FCRL2: variants seen among roughly 807,000 people sequenced by gnomAD.
FCRL2 encodes Fc receptor like 2, also known as Fc receptor-like protein 2.
FCRL2 carries 48 observed loss-of-function variants against 59.8 expected under a neutral mutation model. The ratio of observed to expected loss-of-function variants is 0.80; its 90% CI spans 0.64 to 1.02. FCRL2 has a LOEUF of 1.02. Ranked by LOEUF, FCRL2 falls within the 50% of genes least tolerant of loss-of-function variation. The pLI, the probability that FCRL2 is intolerant of heterozygous loss-of-function variation, is 0.00. For missense variants in FCRL2, 658 were observed against 597.3 expected (o/e 1.10, Z -1.06); for synonymous variants, 251 against 229.5 (o/e 1.09, Z -0.85).
intron 7 of FCRL2, among the ~76,000 whole-genome samples, chr1:157,750,558 GAA>G (rs1280269010): frequency 6.6e-6 from 1 of 152,142 alleles, no homozygotes; most frequent in Non-Finnish European, 1.5e-5. Flanking sequence ...GCCTATCATG[GAA>G]AATACTGCTA....
rs1363839272 is a variant in FCRL2, at chr1:157,747,430, C to CT, written c.1460-532dup. Among the ~76,000 whole-genome samples the CT allele has an allele frequency of 2.0e-5, 3 of 152,264 alleles. No individual in the cohort carries two copies. In the East Asian group the frequency reaches 5.8e-4, roughly 29 times the overall value. On this transcript the variant is annotated intron_variant, in intron 10 of 11. Transcript: ENST00000361516. ...CTTTCCTTCCCTTGAAGATTTACAG[C>CT]TAGAGGGCTTGGAAAGTGACTGCAC...
chr1:157,751,716 G>A lies in FCRL2; in HGVS notation c.1280-2039C>T, dbSNP rs550753600. Among the ~76,000 whole-genome samples the A allele has an allele frequency of 6.6e-5, 10 of 152,300 alleles. No homozygotes were observed. In the South Asian group the frequency reaches 1.7e-3, roughly 25 times the overall value. On this transcript the variant is annotated intron_variant, in intron 7 of 11. Transcript: ENST00000361516. ...AAGAGGTATAGGGTTCCAAAATAAG[G>A]GTGGAGGGGAAGAGGAAGAAGACTT... is the stretch of plus-strand genomic sequence containing the variant.
intron 2 of FCRL2, 30 bp from the exon 3 acceptor site, chr1:157,770,696 C>T: frequency 6.2e-7 from 1 of 1,612,036 alleles, no homozygotes; most frequent in Middle Eastern, 1.7e-4. Flanking sequence ...ACCGGATTTG[C>T]CATTTCTGCA....
intron 5 of FCRL2, 76 bp from the exon 6 acceptor site, chr1:157,767,585 C>T: frequency 6.2e-7 from 1 of 1,614,212 alleles, no homozygotes; most frequent in Non-Finnish European, 8.5e-7. Context: ...CCTGCAGGCT[C>T]AGCAAAGGGC....
intron 2 of FCRL2, among the ~76,000 whole-genome samples, chr1:157,770,927 C>G (rs1438604035): frequency 6.6e-6 from 1 of 152,168 alleles, no homozygotes; most frequent in Non-Finnish European, 1.5e-5. Flanking sequence ...CGTTGAAAGT[C>G]TGAGGTCAGG....
At position 157,770,104 on chromosome 1, in the gene FCRL2, G is replaced by A; in HGVS notation, c.357C>T (p.Ile119=). The change falls in exon 4 of 12, where the codon ATC becomes ATT. Residue 119 remains isoleucine (I), a synonymous_variant. Transcript: ENST00000361516. The stretch of plus-strand genomic sequence containing the variant: ...ATTTCAGGCTCACTGGACCCCCTTC[G>A]ATGGGCTGGAAGGAGCTGGCAGTCA... ...PVLTASSFQP[I]EGGPVSLKCE... 1.2e-6 allele frequency: 2 copies of A among 1,614,158 alleles called. No individual in the cohort carries two copies. The highest frequency in any genetic ancestry group is 1.7e-6 in the Non-Finnish European group (2 of 1,180,034).
At position 157,768,412 on chromosome 1, in the gene FCRL2, A is replaced by C. The variant is rs964325570; in HGVS notation, c.883+2T>G. 5 of 1,611,718 alleles carry C rather than the reference A, an allele frequency of 3.1e-6. 1 individual carries two copies. The Middle Eastern group carries it at 5.0e-4, about 160-fold the overall frequency. On this transcript the variant is annotated splice_donor_variant, in intron 5 of 11. Coordinates refer to ENST00000361516, the MANE Select transcript of FCRL2 (RefSeq NM_030764.4). LOFTEE classifies it high-confidence loss of function. ...GAAGATATGAATGAGAGTGTCACTC[A>C]CTTCTCACAGGGATATTCACCACCT...
chr1:157,776,141 C>T (rs1461897388), intron 1 of FCRL2, among the ~76,000 whole-genome samples: 5 of 152,184 alleles, frequency 3.3e-5, no homozygotes, highest in South Asian at 2.1e-4. Context: ...CATGACAACA[C>T]GATCACAAAG....
chr1:157,754,519 T>A (rs945784681), intron 7 of FCRL2, among the ~76,000 whole-genome samples: 2 of 152,162 alleles, frequency 1.3e-5, no homozygotes, highest in African/African-American at 2.4e-5. Context: ...TTTACTTTCT[T>A]AATAAACTTG....
chr1:157,752,357 G>A (rs1366779153), intron 7 of FCRL2, among the ~76,000 whole-genome samples: 4 of 152,170 alleles, frequency 2.6e-5, no homozygotes, highest in Non-Finnish European at 4.4e-5. Context: ...TTTGCCTGCC[G>A]CCATCCACAT....
intron 7 of FCRL2, among the ~76,000 whole-genome samples, chr1:157,754,993 A>G (rs555619951): frequency 7.2e-5 from 11 of 152,196 alleles, no homozygotes; most frequent in African/African-American, 2.6e-4. Flanking sequence ...AAAGAAAAAA[A>G]GGAGAACTTT....
At chr1:157,756,009 A>T (rs1648563041) in intron 7 of FCRL2, among the ~76,000 whole-genome samples, 2 of 152,238 alleles carry the variant, frequency 1.3e-5, no homozygotes, top group African/African-American at 4.8e-5. Flanking sequence ...TATTTATTTT[A>T]AAGAAAAAAT....
intron 7 of FCRL2, among the ~76,000 whole-genome samples, chr1:157,760,699 G>T (rs867939100): frequency 7.4e-4 from 27 of 36,464 alleles, no homozygotes; most frequent in African/African-American, 2.3e-3. Context: ...AAGAAAGAAG[G>T]AAAGAAAGAA....
chr1:157,769,828 A>G (rs1380503924), intron 4 of FCRL2, 38 bp downstream of exon 4: 7 of 1,599,076 alleles, frequency 4.4e-6, no homozygotes, highest in Middle Eastern at 1.7e-4. Flanking sequence ...TAACACTCCT[A>G]TCTTTTTTTC....
At chr1:157,750,935 C>A (rs59899324) in intron 7 of FCRL2, among the ~76,000 whole-genome samples, 10 of 152,138 alleles carry the variant, frequency 6.6e-5, no homozygotes, top group African/African-American at 2.4e-4. Flanking sequence ...TTCCAAAAAT[C>A]GACATGGTAC....
rs1648022493 is a variant in FCRL2, at chr1:157,749,547, T to C, written c.1307+103A>G. On this transcript the variant is annotated intron_variant, in intron 8 of 11. Coordinates refer to ENST00000361516, the MANE Select transcript of FCRL2 (RefSeq NM_030764.4). ...GTATTATAGAAAGATACCATGTTAATTACATAGCTTCAGTCTCAACGTACA... is the reference window on the plus strand; with the variant it reads ...GTATTATAGAAAGATACCATGTTAACTACATAGCTTCAGTCTCAACGTACA... 3.9e-6 allele frequency: 3 copies of C among 775,310 alleles called. No individual in the cohort carries two copies. The South Asian group carries it at 5.6e-5, about 15-fold the overall frequency. The allele number at this position is 775,310 out of a possible 1,614,324, so 48.0% of individuals were successfully genotyped here.
At chr1:157,763,459 A>G (rs937035474) in intron 7 of FCRL2, among the ~76,000 whole-genome samples, 2 of 152,084 alleles carry the variant, frequency 1.3e-5, no homozygotes, top group African/African-American at 4.8e-5. Context: ...CGAGAGGTGG[A>G]ATTTGCAGGG....
At chr1:157,748,516 A>C in intron 10 of FCRL2, 37 bp downstream of exon 10, 1 of 1,467,290 alleles carries the variant, frequency 6.8e-7, no homozygotes, top group Non-Finnish European at 9.5e-7. Flanking sequence ...TTTCCTGTGA[A>C]TATGCATCTG....
intron 2 of FCRL2, among the ~76,000 whole-genome samples, chr1:157,771,970 G>A (rs1050200061): frequency 1.3e-5 from 2 of 151,588 alleles, no homozygotes; most frequent in South Asian, 2.1e-4. Flanking sequence ...TGTATGGTTC[G>A]CTACTGGCTA....
Sources: gnomAD v4.1 joint callset for allele counts (sites outside exome capture counted in the v4.1 genomes callset) on GRCh38, gnomAD v4.1.1 for gene constraint, MANE v1.5 for transcripts, NCBI Gene and HGNC (gene_info 2026-07-23, HGNC 2026-07-21) for gene names.